The following FARP1 variants were observed in gnomAD, a reference collection of about 807,000 sequenced individuals.
FARP1 encodes FERM, ARHGEF and pleckstrin domain-containing protein 1.
In FARP1, 52 loss-of-function variants were observed where a neutral mutation model predicts 128.8. The observed-to-expected ratio is 0.40, with a 90% CI of 0.32 to 0.51. FARP1 has a LOEUF of 0.51. FARP1 is among the 20% of genes least tolerant of loss of function. The pLI is 0.45. For synonymous variants in FARP1, 580 were observed against 551.8 expected (o/e 1.05, Z -0.72); for missense variants, 1,333 against 1,367.9 (o/e 0.97, Z 0.40).
intron 5 of FARP1, among the ~76,000 whole-genome samples, chr13:98,374,024 C>A (rs1050606532): frequency 6.6e-6 from 1 of 152,206 alleles, no homozygotes; most frequent in Non-Finnish European, 1.5e-5. Context: ...GATATCCTTT[C>A]TGAATTTTTC....
At chr13:98,305,494 C>T (rs1363113634) in intron 2 of FARP1, among the ~76,000 whole-genome samples, 1 of 152,116 alleles carries the variant, frequency 6.6e-6, no homozygotes, top group Non-Finnish European at 1.5e-5. Flanking sequence ...CCACCACGCC[C>T]AGCTAACTTT....
rs116971912 is a variant in FARP1 at position 98,278,377 on chromosome 13, T to C, written c.171+64964T>C. Among the ~76,000 whole-genome samples the C allele has an allele frequency of 1.8e-3, 281 of 152,214 alleles. 4 individuals are homozygous for C. In the East Asian group the frequency reaches 0.046, roughly 25 times the overall value. On this transcript the variant is annotated intron_variant, in intron 2 of 26. Transcript: ENST00000319562. ...AGAGTATATTGTGTTTAAGTGCGTG[T>C]TTGTGTGCACGTTGCATATGTGTGT...
chr13:98,437,575 C>G (rs1243117417), intron 19 of FARP1, among the ~76,000 whole-genome samples: 1 of 152,034 alleles, frequency 6.6e-6, no homozygotes, highest in Admixed American at 6.5e-5. Context: ...AGGAGGGCTT[C>G]GTGCAGGGTG....
In FARP1 at chr13:98,359,966, C is replaced by T. The variant is rs534427986; in HGVS notation, c.277-5429C>T. Among the ~76,000 whole-genome samples, 60 of 152,008 alleles carry T rather than the reference C, an allele frequency of 3.9e-4. 1 individual carries two copies. The highest frequency in any genetic ancestry group is 1.3e-3 in the African/African-American group (55 of 41,440). ...AAATGGAGCAAGATGGGCTCAAAGG[C>T]GGTATTGCAGCTGAATTATGGAAGA... On this transcript the variant is annotated intron_variant, in intron 3 of 26. Coordinates refer to ENST00000319562, the MANE Select transcript of FARP1 (RefSeq NM_005766.4).
chr13:98,383,164 T>C (rs1889956273), intron 6 of FARP1, among the ~76,000 whole-genome samples: 1 of 152,168 alleles, frequency 6.6e-6, no homozygotes, highest in African/African-American at 2.4e-5. Flanking sequence ...CCTCGAATAA[T>C]GAGCATCAAC....
rs189299541 is a variant in FARP1, at chr13:98,356,084, G to A, written c.277-9311G>A. 2.4e-4 allele frequency among the ~76,000 whole-genome samples: 36 copies of A among 152,192 alleles called. 1 individual carries two copies. In the East Asian group the frequency reaches 6.9e-3, roughly 29 times the overall value. On this transcript the variant is annotated intron_variant, in intron 3 of 26. Coordinates refer to ENST00000319562, the MANE Select transcript of FARP1 (RefSeq NM_005766.4). ...GAAAAGACTGTATGTTCTGTGTTGG[G>A]TAGGATATTCAATATATTTCAATGA...
At chr13:98,336,356 C>T (rs1453347232) in intron 2 of FARP1, among the ~76,000 whole-genome samples, 1 of 152,000 alleles carries the variant, frequency 6.6e-6, no homozygotes, top group Non-Finnish European at 1.5e-5. Context: ...GTTGATTGAA[C>T]CCGGGAGGGT....
chr13:98,318,966 T>G (rs7994945), intron 2 of FARP1, among the ~76,000 whole-genome samples: 35,586 of 141,752 alleles, frequency 0.25, 4,600 homozygotes, highest in Middle Eastern at 0.34. Context: ...TTTTTTTTTT[T>G]TTTGTTTGTT....
intron 2 of FARP1, among the ~76,000 whole-genome samples, chr13:98,246,295 C>T (rs1342444184): frequency 1.5e-5 from 2 of 134,790 alleles, no homozygotes; most frequent in Non-Finnish European, 3.1e-5. Context: ...CGGGGTTTCA[C>T]CGTGTTAGCC....
intron 4 of FARP1, among the ~76,000 whole-genome samples, chr13:98,367,906 T>G (rs1889167144): frequency 6.6e-6 from 1 of 152,208 alleles, no homozygotes; most frequent in Non-Finnish European, 1.5e-5. Context: ...TGTCACAGTA[T>G]TTTTTAAAAA....
At chr13:98,344,295 G>A (rs1401781658) in intron 3 of FARP1, among the ~76,000 whole-genome samples, 1 of 152,126 alleles carries the variant, frequency 6.6e-6, no homozygotes, top group Non-Finnish European at 1.5e-5. Flanking sequence ...GAGAGTAGAG[G>A]GGCTGGCAGG....
chr13:98,145,962 G>T (rs1469239241), intron 1 of FARP1, among the ~76,000 whole-genome samples: 1 of 151,618 alleles, frequency 6.6e-6, no homozygotes, highest in Admixed American at 6.6e-5. Flanking sequence ...GAAAGGGTTA[G>T]TTTTTTTTAA....
intron 4 of FARP1, among the ~76,000 whole-genome samples, chr13:98,365,913 G>A (rs190554844): frequency 6.6e-6 from 1 of 151,784 alleles, no homozygotes; most frequent in South Asian, 2.1e-4. Flanking sequence ...GTGTGTGTGT[G>A]TGTGTTTCTG....
chr13:98,232,146 T>TTG lies in FARP1; in HGVS notation c.171+18734_171+18735insGT, dbSNP rs754690325. On this transcript the variant is annotated intron_variant, in intron 2 of 26. Transcript: ENST00000319562. ...TGCCCGGCTTTTTTTGTTTGGTTGGTTTTTTTTTTTTTTTTTTTTTGCTTA... is the reference window on the plus strand; with the variant it reads ...TGCCCGGCTTTTTTTGTTTGGTTGGTTGTTTTTTTTTTTTTTTTTTTTGCTTA... 5.2e-5 allele frequency among the ~76,000 whole-genome samples: 6 copies of TTG among 115,050 alleles called. No individual in the cohort carries two copies. In the South Asian group the frequency reaches 7.6e-4, roughly 15 times the overall value. The allele number at this position is 115,050 out of a possible 152,430, so 75.5% of individuals were successfully genotyped here.
intron 13 of FARP1, chr13:98,403,589 A>G (rs1156477290): frequency 1.3e-5 from 2 of 152,278 alleles, no homozygotes; most frequent in African/African-American, 2.4e-5. Context: ...ACTTGGTCCC[A>G]GTTGGCTTCT....
At chr13:98,295,030 T>TA (rs1555334801) in intron 2 of FARP1, among the ~76,000 whole-genome samples, 3 of 87,706 alleles carry the variant, frequency 3.4e-5, no homozygotes, top group African/African-American at 1.2e-4. Flanking sequence ...AAAAAAAAAA[T>TA]TATATATATA....
rs566836820 is a variant in FARP1 at position 98,242,661 on chromosome 13, A to G, written c.171+29248A>G. ...CACTGCATTCCGGCCTGGGCAACAG[A>G]GCAAGACCCTGTCTCAAAGAAATCT... On this transcript the variant is annotated intron_variant, in intron 2 of 26. Coordinates refer to ENST00000319562, the MANE Select transcript of FARP1 (RefSeq NM_005766.4). Among the ~76,000 whole-genome samples, 8 of 152,346 alleles carry G rather than the reference A, an allele frequency of 5.3e-5. 1 individual carries two copies. In the South Asian group the frequency reaches 1.7e-3, roughly 32 times the overall value.
intron 2 of FARP1, among the ~76,000 whole-genome samples, chr13:98,213,961 C>T (rs765769114): frequency 6.6e-6 from 1 of 152,100 alleles, no homozygotes; most frequent in Non-Finnish European, 1.5e-5. Context: ...GTGGGAGTAT[C>T]GAAAAGCCTC....
chr13:98,446,542 C>G (rs1202970595), intron 25 of FARP1, 124 bp from the exon 26 acceptor site: 1 of 994,204 alleles, frequency 1.0e-6, no homozygotes. Context: ...TGGTCCCTTC[C>G]AGGCCCACGC....
Sources: allele counts gnomAD v4.1 joint callset (sites outside exome capture counted in the v4.1 genomes callset), GRCh38; gene constraint gnomAD v4.1.1; transcripts MANE v1.5; gene names NCBI Gene and HGNC (gene_info 2026-07-23, HGNC 2026-07-21).